Variants in CEP112 observed in about 807,000 individuals in gnomAD.
The protein encoded by CEP112 is centrosomal protein 112.
A neutral mutation model predicts 153.0 loss-of-function variants in CEP112; 127 were observed. That is an observed-to-expected ratio of 0.83 (90% confidence interval 0.72 to 0.96). CEP112 has a LOEUF of 0.96. CEP112 is among the 40% of genes least tolerant of loss of function. The pLI is 0.00. For missense variants in CEP112, 1,089 were observed against 1,101.2 expected (o/e 0.99, Z 0.16); for synonymous variants, 358 against 374.4 (o/e 0.96, Z 0.51).
intron 20 of CEP112, among the ~76,000 whole-genome samples, chr17:65,899,849 TA>T (rs1437726682): frequency 6.6e-6 from 1 of 152,118 alleles, no homozygotes; most frequent in Non-Finnish European, 1.5e-5. Context: ...AAAATCAAAT[TA>T]AAAAATTATA....
At chr17:65,805,815 C>T (rs2055564875) in intron 21 of CEP112, among the ~76,000 whole-genome samples, 1 of 152,142 alleles carries the variant, frequency 6.6e-6, no homozygotes, top group Admixed American at 6.5e-5. Flanking sequence ...CATAGAATCT[C>T]TCAATGTTCT....
chr17:66,092,377 A>ACACACC (rs1396976775), intron 8 of CEP112, among the ~76,000 whole-genome samples: 11 of 151,196 alleles, frequency 7.3e-5, no homozygotes, highest in Non-Finnish European at 1.5e-4. Context: ...ACACACACAC[A>ACACACC]CACACACACA....
At chr17:66,038,443 A>C (rs2065835913) in intron 12 of CEP112, among the ~76,000 whole-genome samples, 1 of 152,238 alleles carries the variant, frequency 6.6e-6, no homozygotes, top group Admixed American at 6.5e-5. Flanking sequence ...TATAACATCA[A>C]GGGAAAGCCT....
chr17:66,050,961 C>T (rs954867762), intron 12 of CEP112, among the ~76,000 whole-genome samples: 1 of 152,108 alleles, frequency 6.6e-6, no homozygotes, highest in Non-Finnish European at 1.5e-5. Context: ...GAGGCCCAAA[C>T]AATTTTCCAC....
At chr17:66,084,481 T>G (rs879238557) in intron 8 of CEP112, among the ~76,000 whole-genome samples, 2 of 152,120 alleles carry the variant, frequency 1.3e-5, no homozygotes, top group Admixed American at 6.5e-5. Context: ...ACCCAGCTAT[T>G]AAAAAGAATG....
intron 10 of CEP112, among the ~76,000 whole-genome samples, chr17:66,066,402 T>A (rs2067120172): frequency 6.6e-6 from 1 of 152,230 alleles, no homozygotes; most frequent in African/African-American, 2.4e-5. Context: ...TTCCTTTGAC[T>A]TCCTCATGAA....
intron 12 of CEP112, among the ~76,000 whole-genome samples, chr17:66,032,132 T>C (rs774789556): frequency 6.6e-6 from 1 of 151,904 alleles, no homozygotes; most frequent in African/African-American, 2.4e-5. Flanking sequence ...CATCTGAGTA[T>C]TGGAATTACA....
intron 17 of CEP112, among the ~76,000 whole-genome samples, chr17:65,964,907 G>T (rs1274383575): frequency 6.6e-6 from 1 of 152,022 alleles, no homozygotes; most frequent in Non-Finnish European, 1.5e-5. Context: ...AAAGTATATT[G>T]AACATGATTT....
At chr17:66,076,743 G>A (rs2067514740) in intron 8 of CEP112, among the ~76,000 whole-genome samples, 1 of 152,150 alleles carries the variant, frequency 6.6e-6, no homozygotes, top group East Asian at 1.9e-4. Context: ...CTGGCAGGAG[G>A]CCAACCAGCA....
At chr17:65,688,473 T>C (rs2047927353) in intron 24 of CEP112, 1 of 152,362 alleles carries the variant, frequency 6.6e-6, no homozygotes, top group African/African-American at 2.4e-5. Context: ...CAATGACATG[T>C]AAAGGGAGGG....
intron 20 of CEP112, among the ~76,000 whole-genome samples, chr17:65,859,927 A>C (rs1322209246): frequency 6.6e-6 from 1 of 150,532 alleles, no homozygotes; most frequent in Non-Finnish European, 1.5e-5. Flanking sequence ...AGGCAGGAGA[A>C]TCTCTTTAAC....
At chr17:66,168,469 GTA>G (rs2146818627) in intron 4 of CEP112, among the ~76,000 whole-genome samples, 1 of 141,986 alleles carries the variant, frequency 7.0e-6, no homozygotes, top group East Asian at 1.9e-4. Context: ...ATATGTGTGT[GTA>G]TATATGTATA....
intron 24 of CEP112, among the ~76,000 whole-genome samples, chr17:65,650,274 G>C (rs747514854): frequency 6.6e-6 from 1 of 152,136 alleles, no homozygotes; most frequent in Non-Finnish European, 1.5e-5. Flanking sequence ...CCCAGGGGGA[G>C]GGAGCTTGGC....
intron 24 of CEP112, among the ~76,000 whole-genome samples, chr17:65,653,825 C>T (rs2045912523): frequency 1.3e-5 from 2 of 152,084 alleles, no homozygotes; most frequent in South Asian, 4.2e-4. Context: ...CTTTGGGAGC[C>T]AGAGGCGGGC....
intron 17 of CEP112, among the ~76,000 whole-genome samples, chr17:65,976,770 ACT>A (rs1043750613): frequency 8.2e-5 from 10 of 122,024 alleles, no homozygotes; most frequent in Non-Finnish European, 1.3e-4. Context: ...AGAGAGTCTC[ACT>A]CTGTTGCCCA....
intron 11 of CEP112, among the ~76,000 whole-genome samples, chr17:66,056,570 T>C (rs1428651247): frequency 6.6e-6 from 1 of 152,220 alleles, no homozygotes; most frequent in Non-Finnish European, 1.5e-5. Flanking sequence ...GATTGAACTA[T>C]TGATTCATGC....
chr17:65,658,423 T>C (rs1233244198), intron 24 of CEP112, among the ~76,000 whole-genome samples: 1 of 152,166 alleles, frequency 6.6e-6, no homozygotes, highest in East Asian at 1.9e-4. Flanking sequence ...ACCTGTCTCA[T>C]AGAATAGAAG....
chr17:65,811,073 C>T (rs1169162635), intron 21 of CEP112, among the ~76,000 whole-genome samples: 1 of 152,158 alleles, frequency 6.6e-6, no homozygotes, highest in East Asian at 1.9e-4. Flanking sequence ...AATGAATTAA[C>T]ATTGCAGTGC....
chr17:66,096,104 C>T (rs2068334807), intron 8 of CEP112, 147 bp downstream of exon 8: 1 of 563,598 alleles, frequency 1.8e-6, no homozygotes, highest in South Asian at 2.7e-5. Context: ...ATGAACCCTG[C>T]CTACCATGCA....
Sources: allele counts gnomAD v4.1 joint callset (sites outside exome capture counted in the v4.1 genomes callset), GRCh38; gene constraint gnomAD v4.1.1; transcripts MANE v1.5; gene names NCBI Gene and HGNC (gene_info 2026-07-23, HGNC 2026-07-21).